The following DNAJC13 variants were observed in gnomAD, a reference collection of about 807,000 sequenced individuals.
The protein encoded by DNAJC13 is DnaJ heat shock protein family (Hsp40) member C13.
In DNAJC13, 75 loss-of-function variants were observed where a neutral mutation model predicts 290.5. The observed-to-expected ratio is 0.26, with a 90% CI of 0.21 to 0.31. The LOEUF (loss-of-function observed/expected upper bound fraction) is 0.31, where lower values mean the gene tolerates loss of function less well. Among genes scored for constraint, DNAJC13 ranks in the 10% least tolerant of loss-of-function variants. The pLI is 1.00. For missense variants in DNAJC13, 2,260 were observed against 2,674.5 expected, an observed-to-expected ratio of 0.85 and a Z score of 3.42; for synonymous variants, 862 against 892.0, an observed-to-expected ratio of 0.97 and a Z score of 0.60.
At chr3:132,480,275 T>G in intron 25 of DNAJC13, 94 bp from the exon 26 acceptor site, 1 of 669,056 alleles carries the variant, frequency 1.5e-6, no homozygotes, top group Non-Finnish European at 2.5e-6. Context: ...GAGGACCTTG[T>G]AGGTGGTAGT....
At chr3:132,484,822 A>C (rs1025807295) in intron 29 of DNAJC13, 150 bp downstream of exon 29, 14 of 700,192 alleles carry the variant, frequency 2.0e-5, no homozygotes, top group African/African-American at 7.2e-5. Context: ...CAATCCCAGC[A>C]CTTTGGGAGG....
rs566858499 is a variant in DNAJC13 at position 132,525,815 on chromosome 3, T to G, written c.6240+26T>G. 6.2e-6 allele frequency: 10 copies of G among 1,604,510 alleles called. No homozygotes were observed. The East Asian group carries it at 2.0e-4, about 32-fold the overall frequency. Reference sequence around the variant, plus strand: ...GTATTGATGAATACACTTAGTAGTTTATAAGCTCCAGAATTTATCTATGCT... The same window carrying G: ...GTATTGATGAATACACTTAGTAGTTGATAAGCTCCAGAATTTATCTATGCT... On this transcript the variant is annotated intron_variant, in intron 52 of 55. Transcript: ENST00000260818.
chr3:132,517,171 G>A (rs1935945434), intron 48 of DNAJC13, among the ~76,000 whole-genome samples: 1 of 152,132 alleles, frequency 6.6e-6, no homozygotes, highest in African/African-American at 2.4e-5. Context: ...AGGAGATGGT[G>A]GTTTGTGTAT....
intron 1 of DNAJC13, among the ~76,000 whole-genome samples, chr3:132,433,380 T>C (rs1019593221): frequency 6.6e-6 from 1 of 151,618 alleles, no homozygotes; most frequent in Non-Finnish European, 1.5e-5. Context: ...TACTCAATAG[T>C]GTTATTCAGC....
At chr3:132,432,447 C>T (rs1213116522) in intron 1 of DNAJC13, among the ~76,000 whole-genome samples, 1 of 152,106 alleles carries the variant, frequency 6.6e-6, no homozygotes, top group African/African-American at 2.4e-5. Context: ...TCAGGTGATC[C>T]ACCTATGTCA....
rs938588693 is a variant in DNAJC13, at chr3:132,532,779, C to T, written c.6625+1682C>T. ...TTTTGAGACAGTCTTGCTCTCTCACCCAGGCTGGAGTGCAGTGGTGCGACC... is the reference window on the plus strand; with the variant it reads ...TTTTGAGACAGTCTTGCTCTCTCACTCAGGCTGGAGTGCAGTGGTGCGACC... On this transcript the variant is annotated intron_variant, in intron 55 of 55. Transcript: ENST00000260818. Among the ~76,000 whole-genome samples the T allele has an allele frequency of 2.6e-5, 4 of 151,776 alleles. No individual in the cohort carries two copies. The South Asian group carries it at 8.3e-4, about 32-fold the overall frequency.
chr3:132,442,306 G>A (rs1291508837), intron 2 of DNAJC13, among the ~76,000 whole-genome samples: 1 of 152,016 alleles, frequency 6.6e-6, no homozygotes, highest in Non-Finnish European at 1.5e-5. Context: ...CACAAAAATT[G>A]TTTAAAAGAG....
At chr3:132,519,080 A>G (rs550028464) in intron 48 of DNAJC13, among the ~76,000 whole-genome samples, 11 of 152,162 alleles carry the variant, frequency 7.2e-5, no homozygotes, top group African/African-American at 2.2e-4. Flanking sequence ...GATTGTTTCT[A>G]TTTTTTGGCT....
chr3:132,473,037 A>G (rs1934337149), intron 20 of DNAJC13, 108 bp from the exon 21 acceptor site: 1 of 743,840 alleles, frequency 1.3e-6, no homozygotes, highest in African/African-American at 1.8e-5. Flanking sequence ...TGTTTCTGTC[A>G]AAATTTGATG....
In DNAJC13 at chr3:132,421,762, G is replaced by A. The variant is rs556747207; in HGVS notation, c.-14+4002G>A. Among the ~76,000 whole-genome samples the A allele has an allele frequency of 1.8e-4, 27 of 152,092 alleles. No individual in the cohort carries two copies. The South Asian group carries it at 4.8e-3, about 27-fold the overall frequency. Reference sequence around the variant, plus strand: ...GCCCATTTTGATTTTTGACAGAAATGTTGATGTCTACAGATTTGTCACATT... The same window carrying A: ...GCCCATTTTGATTTTTGACAGAAATATTGATGTCTACAGATTTGTCACATT... On this transcript the variant is annotated intron_variant, in intron 1 of 55. Coordinates refer to ENST00000260818, the MANE Select transcript of DNAJC13 (RefSeq NM_015268.4).
chr3:132,419,062 A>G (rs1203554798), intron 1 of DNAJC13, among the ~76,000 whole-genome samples: 1 of 152,248 alleles, frequency 6.6e-6, no homozygotes, highest in Non-Finnish European at 1.5e-5. Context: ...TTTTTAAGCT[A>G]CTATATCTCA....
chr3:132,454,476 C>A (rs1181311649), intron 9 of DNAJC13, among the ~76,000 whole-genome samples: 8 of 151,666 alleles, frequency 5.3e-5, no homozygotes, highest in African/African-American at 1.9e-4. Flanking sequence ...TGTGCGCCAC[C>A]ACGCCCAGCT....
intron 2 of DNAJC13, among the ~76,000 whole-genome samples, chr3:132,446,211 T>G (rs1979847): frequency 1.3e-5 from 2 of 151,574 alleles, no homozygotes; most frequent in East Asian, 1.9e-4. Flanking sequence ...TATACTAACA[T>G]CACACAAGAT....
At position 132,538,422 on chromosome 3, in the gene DNAJC13, GGAA is replaced by G; in HGVS notation, c.*141_*143del. 1 of 629,978 alleles carries G rather than the reference GGAA, an allele frequency of 1.6e-6. No individual in the cohort carries two copies. The highest frequency in any genetic ancestry group is 2.6e-6 in the Non-Finnish European group (1 of 385,176). The allele number at this position is 629,978 out of a possible 1,614,324, so 39.0% of individuals were successfully genotyped here. A position where few individuals can be genotyped will look rare whatever the true frequency, so the allele number is the denominator to read the frequency against. ...TCCTTTTTCTATAAATATATTTTTA[GGAA>G]AAAAAGTCAGTGATCCTAATTGTAT... On this transcript the variant is annotated 3_prime_UTR_variant, in exon 56 of 56. Transcript: ENST00000260818.
rs1049376776 is a variant in DNAJC13 at position 132,447,386 on chromosome 3, C to T, written c.210C>T (p.Leu70=). The T allele has an allele frequency of 2.5e-6, 4 of 1,608,660 alleles. No homozygotes were observed. The highest frequency in any genetic ancestry group is 3.4e-6 in the Non-Finnish European group (4 of 1,177,584). The change falls in exon 4 of 56, where the codon CTC becomes CTT. Residue 70 remains leucine, a synonymous_variant. Transcript: ENST00000260818. ...AAGGACAAGGAACGGAGTTCAACCT[C>T]ACATTTCGTAAAGGCAGTGGAAAAA... ...VGKGQGTEFN[L]TFRKGSGKKS...
chr3:132,480,090 GGTT>G (rs1934617315), intron 25 of DNAJC13, among the ~76,000 whole-genome samples: 1 of 152,108 alleles, frequency 6.6e-6, no homozygotes, highest in African/African-American at 2.4e-5. Flanking sequence ...TAAAACCAGA[GGTT>G]GTTTTTTCCT....
chr3:132,494,504 A>C (rs908714525), intron 34 of DNAJC13, among the ~76,000 whole-genome samples: 1 of 152,178 alleles, frequency 6.6e-6, no homozygotes, highest in Non-Finnish European at 1.5e-5. Flanking sequence ...AAATGTATGC[A>C]GAGTATCTGG....
chr3:132,485,069 G>A (rs1934810072), intron 29 of DNAJC13, among the ~76,000 whole-genome samples: 2 of 152,080 alleles, frequency 1.3e-5, no homozygotes, highest in South Asian at 4.2e-4. Flanking sequence ...GGGCAACAGA[G>A]CAAGACCTTG....
Position 132,456,409 on chromosome 3 carries a change from T to C in DNAJC13, c.1099+8T>C, listed in dbSNP as rs773618574. The C allele has an allele frequency of 2.7e-5, 44 of 1,611,716 alleles. No individual in the cohort carries two copies. Among genetic ancestry groups the C allele is most frequent in the Non-Finnish European group, 3.6e-5 (43 of 1,179,310 alleles). ...TCTTAGCTACGCCTCCAAGTAAGTA[T>C]TGATTTAAATGTAATTACATTTCCA... is the stretch of plus-strand genomic sequence containing the variant. On this transcript the variant is annotated splice_region_variant and intron_variant, in intron 10 of 55. Transcript: ENST00000260818.
Sources: gnomAD v4.1 joint callset for allele counts (sites outside exome capture counted in the v4.1 genomes callset) on GRCh38, gnomAD v4.1.1 for gene constraint, MANE v1.5 for transcripts, NCBI Gene and HGNC (gene_info 2026-07-23, HGNC 2026-07-21) for gene names.